The following METTL22 variants were observed in gnomAD, a reference collection of about 807,000 sequenced individuals.
METTL22 encodes methyltransferase 22, Kin17 lysine, also known as methyltransferase-like protein 22.
A neutral mutation model predicts 48.4 loss-of-function variants in METTL22; 51 were observed. That is an observed-to-expected ratio of 1.05 (90% CI 0.84 to 1.33). The LOEUF is 1.33. METTL22 is among the 40% of genes most tolerant of loss of function. METTL22 has a pLI of 0.00. For synonymous variants in METTL22, 255 were observed against 214.1 expected (o/e 1.19, Z -1.67); for missense variants, 678 against 526.9 (o/e 1.29, Z -2.81).
intron 2 of METTL22, 125 bp from the exon 3 acceptor site, chr16:8,628,605 A>G (rs571778532): frequency 1.6e-6 from 2 of 1,285,260 alleles, no homozygotes; most frequent in African/African-American, 1.5e-5. Context: ...TGCTGGCATT[A>G]GTATATCTCT....
the METTL22 span, among the ~76,000 whole-genome samples, chr16:8,655,375 G>A: frequency 6.6e-6 from 1 of 152,194 alleles, no homozygotes; most frequent in Admixed American, 6.5e-5. Context: ...ACTGGCTGCT[G>A]ACCACAGACT....
At chr16:8,658,213 G>A in the METTL22 span, among the ~76,000 whole-genome samples, 1 of 152,144 alleles carries the variant, frequency 6.6e-6, no homozygotes, top group Admixed American at 6.6e-5. Flanking sequence ...CCACATGAAG[G>A]AGCACCCGGG....
downstream of METTL22, among the ~76,000 whole-genome samples, chr16:8,651,571 C>A (rs1157726134): frequency 1.3e-5 from 2 of 151,982 alleles, no homozygotes; most frequent in African/African-American, 4.8e-5. Context: ...ACATCATCAC[C>A]TGCTAGAGAC....
downstream of METTL22, among the ~76,000 whole-genome samples, chr16:8,650,333 A>T (rs528983101): frequency 6.6e-6 from 1 of 151,812 alleles, no homozygotes; most frequent in Admixed American, 6.6e-5. Context: ...ATTTCTAAAG[A>T]AAAAAAAACC....
chr16:8,635,170 G>A lies in METTL22; in HGVS notation c.558G>A (p.Val186=). Residue 186 remains valine, a splice_region_variant and synonymous_variant, in exon 5 of 11, where the codon GTG becomes GTA. Transcript: ENST00000381920. ...ATPLEDVGKQ[V]WRGALLLADY... is the part of the protein sequence containing the mutation. ...GCTCCTTGTCCTCTTCCCTCCAGGT[G>A]TGGCGGGGCGCCCTGCTCCTGGCAG... The A allele has an allele frequency of 6.2e-7, 1 of 1,611,696 alleles. No homozygotes were observed.
At chr16:8,651,047 G>A (rs9928095), downstream of METTL22, among the ~76,000 whole-genome samples, 150,095 of 152,000 alleles carry the variant, frequency 0.99, 74,138 homozygotes, top group Middle Eastern at 1. Context: ...AAATAAATGG[G>A]AAAAAAAGAG....
chr16:8,637,425 A>G (rs2056456335), intron 5 of METTL22, among the ~76,000 whole-genome samples: 1 of 152,256 alleles, frequency 6.6e-6, no homozygotes, highest in South Asian at 2.1e-4. Context: ...TATCCCTGAG[A>G]GAGATTTACC....
At chr16:8,632,499 C>T (rs1256175005) in intron 3 of METTL22, among the ~76,000 whole-genome samples, 3 of 152,202 alleles carry the variant, frequency 2.0e-5, no homozygotes, top group Non-Finnish European at 4.4e-5. Context: ...AGCCACTACC[C>T]GGCCATCTCG....
chr16:8,621,990 C>G (rs1224998681), intron 1 of METTL22, among the ~76,000 whole-genome samples: 2 of 152,208 alleles, frequency 1.3e-5, no homozygotes, highest in Admixed American at 1.3e-4. Context: ...GGCACCTCTC[C>G]TTCGGTTCTA....
At chr16:8,641,876 G>A in intron 7 of METTL22, 2 of 579,996 alleles carry the variant, frequency 3.4e-6, no homozygotes, top group South Asian at 4.1e-5. Flanking sequence ...CAGCGGGTGA[G>A]GCTGAAATCC....
the METTL22 span, among the ~76,000 whole-genome samples, chr16:8,666,590 A>T: frequency 2.3e-4 from 35 of 152,316 alleles, no homozygotes; most frequent in African/African-American, 8.2e-4. Context: ...AATCTCTGAG[A>T]TGCAGACATT....
At chr16:8,653,271 C>A (rs115375186), downstream of METTL22, among the ~76,000 whole-genome samples, 1 of 152,296 alleles carries the variant, frequency 6.6e-6, no homozygotes, top group African/African-American at 2.4e-5. Context: ...CTGTTAAAAT[C>A]ACAAGGGACA....
intron 3 of METTL22, among the ~76,000 whole-genome samples, chr16:8,632,573 C>T (rs1399102605): frequency 6.6e-6 from 1 of 152,162 alleles, no homozygotes; most frequent in Non-Finnish European, 1.5e-5. Context: ...TCATGTCCCC[C>T]TTCTGGGCTT....
chr16:8,663,780 C>T, the METTL22 span, among the ~76,000 whole-genome samples: 2 of 152,318 alleles, frequency 1.3e-5, no homozygotes, highest in Non-Finnish European at 2.9e-5. Flanking sequence ...CATCTTAGAC[C>T]TTTCTGGGTT....
chr16:8,628,013 C>T (rs1306841255), intron 2 of METTL22, among the ~76,000 whole-genome samples: 2 of 152,204 alleles, frequency 1.3e-5, no homozygotes, highest in African/African-American at 2.4e-5. Flanking sequence ...GCTGGAATTA[C>T]AGGTGTAAGC....
At chr16:8,631,321 A>G (rs1163397246) in intron 3 of METTL22, 1 of 152,222 alleles carries the variant, frequency 6.6e-6, no homozygotes, top group Non-Finnish European at 1.5e-5. Context: ...AAAAGAAATT[A>G]TGTTCAATTC....
the METTL22 span, among the ~76,000 whole-genome samples, chr16:8,663,225 A>AAAAAAAAGG: frequency 8.1e-6 from 1 of 123,466 alleles, no homozygotes. Flanking sequence ...AAAAAAAAAA[A>AAAAAAAAGG]GGTAGCCAAG....
At chr16:8,656,468 G>T in the METTL22 span, among the ~76,000 whole-genome samples, 1 of 152,218 alleles carries the variant, frequency 6.6e-6, no homozygotes, top group African/African-American at 2.4e-5. Context: ...TTAAGCTCCA[G>T]CACAGCCACT....
the METTL22 span, among the ~76,000 whole-genome samples, chr16:8,658,715 CG>C: frequency 6.6e-6 from 1 of 152,152 alleles, no homozygotes; most frequent in Non-Finnish European, 1.5e-5. Flanking sequence ...TTTGGGAGGG[CG>C]GGGACTTGGC....
Sources: gnomAD v4.1 joint callset for allele counts (sites outside exome capture counted in the v4.1 genomes callset) on GRCh38, gnomAD v4.1.1 for gene constraint, MANE v1.5 for transcripts, NCBI Gene and HGNC (gene_info 2026-07-23, HGNC 2026-07-21) for gene names.